The following NDRG1 variants were observed in gnomAD, a reference collection of about 807,000 sequenced individuals.
NDRG1 encodes protein NDRG1.
Under a neutral mutation model 56.9 loss-of-function variants are expected in NDRG1, and 32 were observed. The observed-to-expected ratio is 0.56, with a 90% CI of 0.42 to 0.76. NDRG1 has a LOEUF of 0.76. Among genes scored for constraint, NDRG1 ranks in the 30% least tolerant of loss-of-function variants. NDRG1 has a pLI of 0.00. For synonymous variants in NDRG1, 211 were observed against 204.1 expected, an observed-to-expected ratio of 1.03 and a Z score of -0.29; for missense variants, 507 against 545.7, an observed-to-expected ratio of 0.93 and a Z score of 0.71.
intron 1 of NDRG1, among the ~76,000 whole-genome samples, chr8:133,286,927 C>T (rs1449441736): frequency 2.6e-5 from 4 of 152,134 alleles, no homozygotes; most frequent in Non-Finnish European, 5.9e-5. Context: ...ACTAAGGCCG[C>T]ATGAACCAAG....
At chr8:133,242,922 G>C (rs780998119) in intron 14 of NDRG1, among the ~76,000 whole-genome samples, 4 of 152,286 alleles carry the variant, frequency 2.6e-5, no homozygotes, top group Non-Finnish European at 5.9e-5. Flanking sequence ...CAACTAACTG[G>C]GCTACTTTAA....
chr8:133,279,046 T>C (rs995533569), intron 3 of NDRG1, among the ~76,000 whole-genome samples: 1 of 152,150 alleles, frequency 6.6e-6, no homozygotes, highest in Non-Finnish European at 1.5e-5. Flanking sequence ...CTTACCACCA[T>C]GCCTGGCTAA....
chr8:133,295,460 C>A (rs1386225464), intron 1 of NDRG1, among the ~76,000 whole-genome samples: 2 of 152,236 alleles, frequency 1.3e-5, no homozygotes, highest in African/African-American at 4.8e-5. Flanking sequence ...GACACTGTGC[C>A]ACCCCAGCCT....
chr8:133,254,770 G>C (rs1586431323), intron 8 of NDRG1, 175 bp from the exon 9 acceptor site: 1 of 674,990 alleles, frequency 1.5e-6, no homozygotes, highest in East Asian at 2.7e-5. Flanking sequence ...TTCCCTCCTG[G>C]ACCTGATCCC....
chr8:133,296,769 C>A, intron 1 of NDRG1: 1 of 224,070 alleles, frequency 4.5e-6, no homozygotes, highest in Non-Finnish European at 9.5e-6. Context: ...CCAGCGCGCA[C>A]CCCTGCCAGC....
At chr8:133,281,750 TA>T (rs1857818984) in intron 2 of NDRG1, among the ~76,000 whole-genome samples, 1 of 152,172 alleles carries the variant, frequency 6.6e-6, no homozygotes, top group Admixed American at 6.5e-5. Flanking sequence ...GGGATTCAAA[TA>T]GCCCCACATC....
At chr8:133,266,558 G>T (rs1856929688) in intron 3 of NDRG1, among the ~76,000 whole-genome samples, 1 of 152,114 alleles carries the variant, frequency 6.6e-6, no homozygotes, top group Non-Finnish European at 1.5e-5. Flanking sequence ...GGTGCTGAAG[G>T]CCCAGAGAAT....
intron 3 of NDRG1, among the ~76,000 whole-genome samples, chr8:133,270,998 T>C (rs933718535): frequency 6.6e-6 from 1 of 152,336 alleles, no homozygotes; most frequent in Admixed American, 6.5e-5. Context: ...TCAGTTGTTA[T>C]GGACAACCGC....
chr8:133,242,265 G>A (rs1047048038), intron 14 of NDRG1, among the ~76,000 whole-genome samples, 191 bp from the exon 15 acceptor site: 1 of 152,170 alleles, frequency 6.6e-6, no homozygotes, highest in African/African-American at 2.4e-5. Context: ...CACAGCTGTG[G>A]AACTTGGACA....
chr8:133,265,851 C>A (rs998991313), intron 3 of NDRG1, among the ~76,000 whole-genome samples: 2 of 152,262 alleles, frequency 1.3e-5, no homozygotes, highest in Non-Finnish European at 2.9e-5. Context: ...CATGCCTACC[C>A]TGGGCTTCCG....
rs191640496 is a variant in NDRG1 at position 133,259,849 on chromosome 8, G to A, written c.327-619C>T. On this transcript the variant is annotated intron_variant, in intron 5 of 15. Coordinates refer to ENST00000323851, the MANE Select transcript of NDRG1 (RefSeq NM_006096.4). ...GGTGTTACTCATAACAAAGCCTATC[G>A]AAACAGAGACCTGCCGTGCTCAGAT... Among the ~76,000 whole-genome samples the A allele has an allele frequency of 2.5e-3, 377 of 152,274 alleles. 2 individuals carry two copies. Among genetic ancestry groups the A allele is most frequent in the African/African-American group, 8.4e-3 (351 of 41,556 alleles).
rs745362178 is a variant in NDRG1 at position 133,254,587 on chromosome 8, T to C, written c.546A>G (p.Gly182=). ...CCATGTCCGGCAGAGCTTGGGTCCA[T>C]CCTGAGATCTGGAAAGGAGTAAAGT... ...WMDWAASKIS[G]WTQALPDMVV... is the part of the protein sequence containing the mutation. Residue 182 remains glycine (G), a synonymous_variant, in exon 9 of 16, where the codon GGA becomes GGG. Coordinates refer to ENST00000323851, the MANE Select transcript of NDRG1 (RefSeq NM_006096.4). 3 of 1,614,056 alleles carry C rather than the reference T, an allele frequency of 1.9e-6. No homozygotes were observed. The South Asian group carries it at 3.3e-5, about 18-fold the overall frequency.
intron 2 of NDRG1, among the ~76,000 whole-genome samples, chr8:133,281,498 T>C (rs1857799549): frequency 6.6e-6 from 1 of 152,156 alleles, no homozygotes; most frequent in Non-Finnish European, 1.5e-5. Flanking sequence ...GAGGACCAAC[T>C]GGAGTCTTGG....
intron 1 of NDRG1, among the ~76,000 whole-genome samples, chr8:133,293,684 T>C (rs1395432598): frequency 6.6e-6 from 1 of 152,168 alleles, no homozygotes; most frequent in East Asian, 1.9e-4. Flanking sequence ...TCCCCTGTCA[T>C]TCCAGAGCAG....
chr8:133,274,587 T>C (rs1443665814), intron 3 of NDRG1, among the ~76,000 whole-genome samples: 2 of 152,214 alleles, frequency 1.3e-5, no homozygotes, highest in Admixed American at 6.5e-5. Flanking sequence ...TCATTTGCCA[T>C]TAAGGCACAG....
At chr8:133,295,773 A>G (rs1858717093) in intron 1 of NDRG1, among the ~76,000 whole-genome samples, 1 of 152,212 alleles carries the variant, frequency 6.6e-6, no homozygotes, top group African/African-American at 2.4e-5. Flanking sequence ...GGGTATTATA[A>G]GGATGTCTAC....
chr8:133,291,675 A>G (rs1267120856), intron 1 of NDRG1, among the ~76,000 whole-genome samples: 2 of 152,170 alleles, frequency 1.3e-5, no homozygotes, highest in African/African-American at 4.8e-5. Flanking sequence ...AACAGTACAA[A>G]TGTCAGAGAA....
In NDRG1 at chr8:133,246,674, G is replaced by A. The variant is rs1335671307; in HGVS notation, c.808-11C>T. 1 of 1,613,840 alleles carries A rather than the reference G, an allele frequency of 6.2e-7. No individual in the cohort carries two copies. Among genetic ancestry groups the A allele is most frequent in the Non-Finnish European group, 8.5e-7 (1 of 1,179,874 alleles). On this transcript the variant is annotated splice_polypyrimidine_tract_variant and intron_variant, in intron 12 of 15. Transcript: ENST00000323851. ...TGAGTTGCACTCCACCTGCACAAGA[G>A]GGAGGAAATCTGTTAATTTTCTACG...
At chr8:133,270,637 G>A (rs1227283927) in intron 3 of NDRG1, among the ~76,000 whole-genome samples, 1 of 152,164 alleles carries the variant, frequency 6.6e-6, no homozygotes, top group Non-Finnish European at 1.5e-5. Context: ...GGGTTCGGTG[G>A]CTATCCTACC....
Sources: allele counts gnomAD v4.1 joint callset (sites outside exome capture counted in the v4.1 genomes callset), GRCh38; gene constraint gnomAD v4.1.1; transcripts MANE v1.5; gene names NCBI Gene and HGNC (gene_info 2026-07-23, HGNC 2026-07-21).